The following IQCJ variants were observed in gnomAD, a reference collection of about 807,000 sequenced individuals.
The protein encoded by IQCJ is IQ motif containing J, also known as IQ domain-containing protein J.
IQCJ carries 9 observed loss-of-function variants against 11.0 expected under a neutral mutation model. That is an observed-to-expected ratio of 0.82 (90% CI 0.49 to 1.43). The LOEUF (loss-of-function observed/expected upper bound fraction) is 1.43. Among genes scored for constraint, IQCJ ranks in the 40% most tolerant of loss-of-function variants. The pLI is 0.00. For missense variants in IQCJ, 146 were observed against 133.2 expected, an observed-to-expected ratio of 1.10 and a Z score of -0.47; for synonymous variants, 55 against 51.3, an observed-to-expected ratio of 1.07 and a Z score of -0.31.
intron 1 of IQCJ, among the ~76,000 whole-genome samples, chr3:159,129,084 A>G (rs1421847082): frequency 1.3e-5 from 2 of 152,220 alleles, no homozygotes; most frequent in African/African-American, 4.8e-5. Flanking sequence ...ATGAAAAATT[A>G]CTATAACAAC....
At chr3:159,137,059 C>CGA (rs1720332169) in intron 1 of IQCJ, among the ~76,000 whole-genome samples, 1 of 152,000 alleles carries the variant, frequency 6.6e-6, no homozygotes, top group Non-Finnish European at 1.5e-5. Context: ...GTCAGGAGTT[C>CGA]GAGATAAGCC....
intron 1 of IQCJ, among the ~76,000 whole-genome samples, chr3:159,134,080 G>A (rs938044054): frequency 1.3e-5 from 2 of 151,910 alleles, no homozygotes; most frequent in African/African-American, 4.8e-5. Flanking sequence ...CCTTTGCTAG[G>A]TCACAGCTAG....
At chr3:159,136,075 A>G (rs1161711956) in intron 1 of IQCJ, among the ~76,000 whole-genome samples, 1 of 152,170 alleles carries the variant, frequency 6.6e-6, no homozygotes, top group Non-Finnish European at 1.5e-5. Flanking sequence ...AGCTCCAGTA[A>G]ATGGCTGGAG....
intron 1 of IQCJ, among the ~76,000 whole-genome samples, chr3:159,147,489 T>C (rs1211994196): frequency 6.6e-6 from 1 of 152,204 alleles, no homozygotes; most frequent in Non-Finnish European, 1.5e-5. Context: ...GATATCTGTC[T>C]TCTTTCTCAG....
At chr3:159,070,941 A>G (rs1715521458) in intron 1 of IQCJ, among the ~76,000 whole-genome samples, 1 of 151,998 alleles carries the variant, frequency 6.6e-6, no homozygotes, top group African/African-American at 2.4e-5. Context: ...GCTTCATGAT[A>G]ATGATTATAA....
intron 1 of IQCJ, among the ~76,000 whole-genome samples, chr3:159,179,760 C>T (rs1297729274): frequency 6.6e-6 from 1 of 152,158 alleles, no homozygotes; most frequent in East Asian, 1.9e-4. Context: ...TTTCTTTACT[C>T]CACAACAACC....
At chr3:159,085,728 G>A (rs1280942701) in intron 1 of IQCJ, among the ~76,000 whole-genome samples, 1 of 151,400 alleles carries the variant, frequency 6.6e-6, no homozygotes, top group African/African-American at 2.4e-5. Flanking sequence ...TTTGAGAAGT[G>A]TCTGTTCATG....
At chr3:159,221,577 T>G (rs748534644) in intron 1 of IQCJ, among the ~76,000 whole-genome samples, 41 of 152,152 alleles carry the variant, frequency 2.7e-4, no homozygotes, top group Non-Finnish European at 5.0e-4. Flanking sequence ...CACATAATAT[T>G]CTGCTCAGCA....
At chr3:159,191,969 G>T (rs1235847440) in intron 1 of IQCJ, among the ~76,000 whole-genome samples, 1 of 152,190 alleles carries the variant, frequency 6.6e-6, no homozygotes, top group Non-Finnish European at 1.5e-5. Flanking sequence ...TGAAGCCATT[G>T]AAACCCTTCC....
intron 2 of IQCJ, among the ~76,000 whole-genome samples, chr3:159,248,385 T>A (rs1727397724): frequency 6.6e-6 from 1 of 152,208 alleles, no homozygotes; most frequent in East Asian, 1.9e-4. Context: ...TTATGCCTGC[T>A]CTCGTTAATA....
intron 1 of IQCJ, among the ~76,000 whole-genome samples, chr3:159,176,709 C>T (rs961024220): frequency 2.2e-4 from 34 of 152,022 alleles, no homozygotes; most frequent in African/African-American, 7.5e-4. Flanking sequence ...GTACTCAATG[C>T]GAAAATTAAT....
intron 1 of IQCJ, among the ~76,000 whole-genome samples, chr3:159,158,243 G>A (rs34285329): frequency 0.14 from 20,969 of 152,176 alleles, 1,654 homozygotes; most frequent in Middle Eastern, 0.2. Flanking sequence ...AGCAGTTCTA[G>A]AAGCTGCAGG....
At chr3:159,265,043 T>C (rs574725871), downstream of IQCJ, among the ~76,000 whole-genome samples, 1 of 151,562 alleles carries the variant, frequency 6.6e-6, no homozygotes, top group South Asian at 2.1e-4. Flanking sequence ...ATGACAGTGA[T>C]GTGACATTAA....
rs116461855 is a variant in IQCJ at position 159,166,479 on chromosome 3, G to A, written c.10-79364G>A. Reference sequence around the variant, plus strand: ...TGGAGTTAAAATTATGTTGGGACAAGTCTTGGGTCCTTCAGAAAAGTGGAT... The same window carrying A: ...TGGAGTTAAAATTATGTTGGGACAAATCTTGGGTCCTTCAGAAAAGTGGAT... On this transcript the variant is annotated intron_variant, in intron 1 of 3. Transcript: ENST00000397832. Among the ~76,000 whole-genome samples, 632 of 152,312 alleles carry A rather than the reference G, an allele frequency of 4.1e-3. 4 individuals are homozygous for A. The highest frequency in any genetic ancestry group is 0.014 in the African/African-American group (583 of 41,570).
chr3:159,129,124 C>G (rs1049219014), intron 1 of IQCJ, among the ~76,000 whole-genome samples: 1 of 152,058 alleles, frequency 6.6e-6, no homozygotes, highest in Non-Finnish European at 1.5e-5. Flanking sequence ...GAGGAGAAAA[C>G]AATCACAAGT....
intron 1 of IQCJ, among the ~76,000 whole-genome samples, chr3:159,144,702 G>T (rs57846879): frequency 0.021 from 3,202 of 150,632 alleles, 110 homozygotes; most frequent in African/African-American, 0.076. Context: ...AGTTCCTGCT[G>T]CATTTCAAAT....
At chr3:159,258,959 C>T (rs1450301999) in intron 3 of IQCJ, among the ~76,000 whole-genome samples, 1 of 152,120 alleles carries the variant, frequency 6.6e-6, no homozygotes, top group Non-Finnish European at 1.5e-5. Flanking sequence ...TGTGCCTTTG[C>T]CCAAAGATCT....
intron 1 of IQCJ, among the ~76,000 whole-genome samples, chr3:159,091,652 ACACACACACACACACACGCATG>A (rs1193651506): frequency 5.8e-5 from 3 of 51,362 alleles, no homozygotes; most frequent in South Asian, 7.6e-4. Context: ...GTATTTACAC[ACACACACACACACACACGCATG>A]CACACACACA....
At chr3:159,212,140 G>A (rs73877561) in intron 1 of IQCJ, among the ~76,000 whole-genome samples, 1,778 of 151,934 alleles carry the variant, frequency 0.012, 27 homozygotes, top group African/African-American at 0.041. Context: ...GTTCTTCTGT[G>A]TTTCTTTGTC....
Sources: allele counts gnomAD v4.1 joint callset (sites outside exome capture counted in the v4.1 genomes callset), GRCh38; gene constraint gnomAD v4.1.1; transcripts MANE v1.5; gene names NCBI Gene and HGNC (gene_info 2026-07-23, HGNC 2026-07-21).